AGPS: variants seen among roughly 807,000 people sequenced by gnomAD.
The protein encoded by AGPS is alkyldihydroxyacetonephosphate synthase, peroxisomal.
AGPS carries 26 observed loss-of-function variants against 90.7 expected under a neutral mutation model. The observed-to-expected ratio is 0.29, with a 90% confidence interval of 0.21 to 0.40. The LOEUF (loss-of-function observed/expected upper bound fraction) is 0.40. AGPS is among the 10% of genes least tolerant of loss of function. The pLI is 1.00. For missense variants in AGPS, 540 were observed against 816.1 expected (o/e 0.66, Z 4.12); for synonymous variants, 294 against 285.3 (o/e 1.03, Z -0.31).
At chr2:177,425,368 C>T in intron 2 of AGPS, among the ~76,000 whole-genome samples, 1 of 152,084 alleles carries the variant, frequency 6.6e-6, no homozygotes, top group East Asian at 1.9e-4. Flanking sequence ...CACCCGTAAT[C>T]CCAGCACTTT....
intron 17 of AGPS, among the ~76,000 whole-genome samples, chr2:177,519,024 G>A (rs1226474546): frequency 6.6e-6 from 1 of 152,134 alleles, no homozygotes; most frequent in African/African-American, 2.4e-5. Flanking sequence ...AGTTGGTGCT[G>A]AGTGAAGGTA....
intron 10 of AGPS, among the ~76,000 whole-genome samples, chr2:177,472,203 T>G (rs1687645163): frequency 6.6e-6 from 1 of 151,920 alleles, no homozygotes; most frequent in Admixed American, 6.5e-5. Flanking sequence ...TCCATTTCAG[T>G]CACTTTTTCT....
chr2:177,450,866 C>T (rs901053893), intron 8 of AGPS, among the ~76,000 whole-genome samples: 5 of 115,786 alleles, frequency 4.3e-5, no homozygotes, highest in Non-Finnish European at 9.7e-5. Context: ...AGTTTTGATT[C>T]TTCTGACCTG....
At position 177,442,473 on chromosome 2, in the gene AGPS, A is replaced by G; in HGVS notation, c.776A>G (p.Asp259Gly). 6.2e-7 allele frequency: 1 copy of G among 1,609,540 alleles called. No individual in the cohort carries two copies. The highest frequency in any genetic ancestry group is 8.5e-7 in the Non-Finnish European group (1 of 1,175,914). The change falls in exon 7 of 20, where the codon GAC becomes GGC. Residue 259 changes from aspartate (D) to glycine (G), a missense_variant. By Grantham distance (94) the Asp-to-Gly change is moderately conservative. Coordinates refer to ENST00000264167, the MANE Select transcript of AGPS (RefSeq NM_003659.4). ...ADETRTIISLDTSQMNRILWV... is the reference protein window; with the variant it reads ...ADETRTIISLGTSQMNRILWV... ...GAGACAAGAACAATTATTTCTTTGG[A>G]CACTTCACAAATGGTATTTAATAAT...
rs1375681821 is a variant in AGPS, at chr2:177,393,017, C to A, written c.228C>A (p.Ala76=). The A allele has an allele frequency of 6.5e-7, 1 of 1,550,336 alleles. No homozygotes were observed. Among genetic ancestry groups the A allele is most frequent in the Admixed American group, 2.0e-5 (1 of 51,006 alleles). The change falls in exon 1 of 20, where the codon GCC becomes GCA. Residue 76 remains alanine, a synonymous_variant. Coordinates refer to ENST00000264167, the MANE Select transcript of AGPS (RefSeq NM_003659.4). ...AATAAPTATP[A]AQESGTIPKK... ...CGGCAGCGCCCACGGCCACTCCCGCCGCGCAGGAGTCGGGCACCATCCCAA... is the reference window on the plus strand; with the variant it reads ...CGGCAGCGCCCACGGCCACTCCCGCAGCGCAGGAGTCGGGCACCATCCCAA...
intron 1 of AGPS, among the ~76,000 whole-genome samples, chr2:177,393,748 CTT>C (rs79768850): frequency 1.0e-4 from 13 of 130,556 alleles, no homozygotes; most frequent in Non-Finnish European, 1.1e-4. Context: ...TTGGAGAAAT[CTT>C]TTTTTTTTTT....
chr2:177,469,191 G>A (rs902568549), intron 10 of AGPS, among the ~76,000 whole-genome samples: 5 of 152,042 alleles, frequency 3.3e-5, no homozygotes, highest in African/African-American at 1.2e-4. Flanking sequence ...TTTTAGGATG[G>A]GAGAGGGACA....
chr2:177,524,275 G>C (rs1423467462), intron 19 of AGPS, among the ~76,000 whole-genome samples: 2 of 152,108 alleles, frequency 1.3e-5, no homozygotes, highest in African/African-American at 4.8e-5. Context: ...TTTTTTCAAG[G>C]TTTTAATGCT....
chr2:177,396,942 CTT>C (rs757187515), intron 1 of AGPS, among the ~76,000 whole-genome samples: 2 of 140,538 alleles, frequency 1.4e-5, no homozygotes, highest in African/African-American at 2.6e-5. Flanking sequence ...TTTTTCTTTT[CTT>C]TTTTTTTTTT....
chr2:177,424,968 G>A (rs1422171581), intron 2 of AGPS, among the ~76,000 whole-genome samples: 1 of 152,092 alleles, frequency 6.6e-6, no homozygotes. Flanking sequence ...TGTAGACTCT[G>A]GATATTAGAC....
rs921201802 is a variant in AGPS, at chr2:177,539,646, T to C, written c.*1451T>C. ...AGTTTGATACCTTTTATATCTGAAG[T>C]AGCCTTAACCAGAAAAATGGTAATT... On this transcript the variant is annotated 3_prime_UTR_variant, in exon 20 of 20. Transcript: ENST00000264167. 10 of 152,098 alleles carry C rather than the reference T, an allele frequency of 6.6e-5. No individual in the cohort carries two copies. Among genetic ancestry groups the C allele is most frequent in the Admixed American group, 6.6e-4 (10 of 15,250 alleles). 9.4% of individuals were successfully genotyped at this position (152,098 alleles called of 1,614,324 possible).
At chr2:177,517,796 A>C (rs1689064899) in intron 17 of AGPS, among the ~76,000 whole-genome samples, 1 of 152,208 alleles carries the variant, frequency 6.6e-6, no homozygotes, top group African/African-American at 2.4e-5. Flanking sequence ...GTGTTGTTTC[A>C]ATATGATTAC....
intron 1 of AGPS, among the ~76,000 whole-genome samples, chr2:177,418,646 C>T (rs1386713647): frequency 6.6e-6 from 1 of 151,442 alleles, no homozygotes; most frequent in East Asian, 1.9e-4. Context: ...TACATTTATC[C>T]TTCTGATTAT....
chr2:177,401,870 A>T (rs1236484657), intron 1 of AGPS, among the ~76,000 whole-genome samples: 1 of 152,150 alleles, frequency 6.6e-6, no homozygotes, highest in African/African-American at 2.4e-5. Context: ...AAAACATCTC[A>T]ATTCTAGAGC....
chr2:177,405,249 G>T (rs1450350765), intron 1 of AGPS, among the ~76,000 whole-genome samples: 3 of 152,250 alleles, frequency 2.0e-5, no homozygotes, highest in African/African-American at 7.2e-5. Flanking sequence ...CCAGTCCTGG[G>T]TTACATGTTT....
chr2:177,441,925 C>T (rs893023167), intron 6 of AGPS, among the ~76,000 whole-genome samples: 14 of 152,040 alleles, frequency 9.2e-5, no homozygotes, highest in African/African-American at 3.4e-4. Context: ...ACATTTTAAG[C>T]TTGTTTCTAT....
At position 177,392,884 on chromosome 2, in the gene AGPS, A is replaced by ACCCGGT; in HGVS notation, c.97_98insCGGTCC (p.Asp32_Arg33insProVal). The ACCCGGT allele has an allele frequency of 6.4e-7, 1 of 1,550,500 alleles. No homozygotes were observed. The highest frequency in any genetic ancestry group is 8.7e-7 in the Non-Finnish European group (1 of 1,148,446). On this transcript the variant is annotated inframe_insertion, in exon 1 of 20. Coordinates refer to ENST00000264167, the MANE Select transcript of AGPS (RefSeq NM_003659.4). ...GACCGGGACCGGGACCCGGACCCGGACCGCGCCGGGCGGAGGCTGCGGGTT... is the reference window on the plus strand; with the variant it reads ...GACCGGGACCGGGACCCGGACCCGGACCCGGTCCGCGCCGGGCGGAGGCTGCGGGTT...
intron 9 of AGPS, among the ~76,000 whole-genome samples, chr2:177,464,315 T>A (rs1282118046): frequency 1.3e-5 from 2 of 152,232 alleles, no homozygotes; most frequent in Non-Finnish European, 2.9e-5. Context: ...TAATTTATAT[T>A]GTTTGCTTTT....
chr2:177,538,225 A>T lies in AGPS; in HGVS notation c.*30A>T. 1 of 1,605,820 alleles carries T rather than the reference A, an allele frequency of 6.2e-7. No homozygotes were observed. The highest frequency in any genetic ancestry group is 1.1e-5 in the South Asian group (1 of 90,790). Reference sequence around the variant, plus strand: ...ATTAGTACCATTACAAAAAAATGTCAATTTTTTTTTTAAGTTTTCAACTGT... The same window carrying T: ...ATTAGTACCATTACAAAAAAATGTCTATTTTTTTTTTAAGTTTTCAACTGT... On this transcript the variant is annotated 3_prime_UTR_variant, in exon 20 of 20. Coordinates refer to ENST00000264167, the MANE Select transcript of AGPS (RefSeq NM_003659.4).
Sources: gnomAD v4.1 joint callset for allele counts (sites outside exome capture counted in the v4.1 genomes callset) on GRCh38, gnomAD v4.1.1 for gene constraint, MANE v1.5 for transcripts, NCBI Gene and HGNC (gene_info 2026-07-23, HGNC 2026-07-21) for gene names.